TCF7: variants seen among roughly 807,000 people sequenced by gnomAD.
The protein encoded by TCF7 is T-cell-factor-7.
A neutral mutation model predicts 46.8 loss-of-function variants in TCF7; 19 were observed. That is an observed-to-expected ratio of 0.41 (90% confidence interval 0.28 to 0.60). The LOEUF (loss-of-function observed/expected upper bound fraction) is 0.60. Ranked by LOEUF, TCF7 falls within the 20% of genes least tolerant of loss-of-function variation. TCF7 has a pLI of 0.35. For synonymous variants in TCF7, 245 were observed against 213.4 expected (o/e 1.15, Z -1.29); for missense variants, 547 against 504.6 (o/e 1.08, Z -0.81).
intron 3 of TCF7, among the ~76,000 whole-genome samples, chr5:134,127,752 G>T (rs563749671): frequency 6.6e-6 from 1 of 152,188 alleles, no homozygotes; most frequent in African/African-American, 2.4e-5. Context: ...TGGTCATTGC[G>T]GGCCAGCCAG....
In TCF7 at chr5:134,142,168, T is replaced by C; in HGVS notation, c.636-17T>C. The C allele has an allele frequency of 1.2e-6, 2 of 1,614,012 alleles. No homozygotes were observed. The highest frequency in any genetic ancestry group is 1.7e-6 in the Non-Finnish European group (2 of 1,179,890). ...CCATAATTCTTGGCTCAGTGTTAAC[T>C]TTCTTCCTGCCTCCAGGTTCACCCA... On this transcript the variant is annotated splice_polypyrimidine_tract_variant and intron_variant, in intron 5 of 9. Coordinates refer to ENST00000342854, the MANE Select transcript of TCF7 (RefSeq NM_003202.5).
At chr5:134,135,662 T>C (rs979833677) in intron 3 of TCF7, among the ~76,000 whole-genome samples, 3 of 152,026 alleles carry the variant, frequency 2.0e-5, no homozygotes, top group African/African-American at 7.3e-5. Context: ...GAGGTTCCGA[T>C]CTGGATATGT....
chr5:134,117,583 C>T (rs1755999021), intron 3 of TCF7, among the ~76,000 whole-genome samples: 1 of 152,134 alleles, frequency 6.6e-6, no homozygotes. Context: ...ATGGTGTGGG[C>T]AAGTGCTGGG....
chr5:134,116,210 G>C, intron 3 of TCF7, 177 bp downstream of exon 3: 1 of 1,369,652 alleles, frequency 7.3e-7, no homozygotes, highest in Non-Finnish European at 9.5e-7. Flanking sequence ...CTGAAGGAAG[G>C]AGGGGCCGCC....
intron 5 of TCF7, 144 bp downstream of exon 5, chr5:134,139,182 G>C: frequency 5.3e-6 from 7 of 1,311,050 alleles, no homozygotes; most frequent in Non-Finnish European, 7.2e-6. Flanking sequence ...CAGCAACTCT[G>C]TCCTAACCTG....
intron 3 of TCF7, among the ~76,000 whole-genome samples, chr5:134,116,624 GTTGGCA>G (rs1580790561): frequency 6.6e-6 from 1 of 152,362 alleles, no homozygotes; most frequent in East Asian, 1.9e-4. Flanking sequence ...ACCAGGAAGG[GTTGGCA>G]AAGGTGCTAC....
intron 3 of TCF7, among the ~76,000 whole-genome samples, chr5:134,128,508 G>A (rs901873543): frequency 1.3e-5 from 2 of 151,902 alleles, no homozygotes; most frequent in Non-Finnish European, 2.9e-5. Flanking sequence ...GGGAGTGAGC[G>A]CTTCATGACC....
At chr5:134,135,223 G>T (rs1298806288) in intron 3 of TCF7, among the ~76,000 whole-genome samples, 2 of 152,218 alleles carry the variant, frequency 1.3e-5, no homozygotes, top group Non-Finnish European at 2.9e-5. Context: ...GCCTCCCAAA[G>T]TGCTGGGATT....
In TCF7 at chr5:134,146,315, T is replaced by G. The variant is rs1012170153; in HGVS notation, c.*12T>G. 1.9e-5 allele frequency: 30 copies of G among 1,613,722 alleles called. No homozygotes were observed. The highest frequency in any genetic ancestry group is 2.5e-5 in the Non-Finnish European group (29 of 1,179,902). ...TGACAGTGCTCTAGGCTGCCCCGGG[T>G]CCCCAGCTCCCCAGGACTCACCCTC... On this transcript the variant is annotated 3_prime_UTR_variant, in exon 10 of 10. Coordinates refer to ENST00000342854, the MANE Select transcript of TCF7 (RefSeq NM_003202.5).
At chr5:134,122,473 G>T (rs1756736301) in intron 3 of TCF7, among the ~76,000 whole-genome samples, 1 of 152,300 alleles carries the variant, frequency 6.6e-6, no homozygotes, top group South Asian at 2.1e-4. Flanking sequence ...TGAGACTCAA[G>T]TGAGTGGGGC....
the TCF7 span, among the ~76,000 whole-genome samples, chr5:134,108,318 G>T: frequency 6.6e-6 from 1 of 152,190 alleles, no homozygotes; most frequent in African/African-American, 2.4e-5. Flanking sequence ...CATTTATTAA[G>T]TGCCACAGTA....
rs1237396263 is a variant in TCF7, at chr5:134,114,701, G to C, written c.-206G>C. 4.0e-6 allele frequency: 1 copy of C among 251,096 alleles called. No homozygotes were observed. The highest frequency in any genetic ancestry group is 6.1e-6 in the Non-Finnish European group (1 of 164,644). 15.6% of individuals were successfully genotyped at this position (251,096 alleles called of 1,614,324 possible). ...CCGGCACTCGGCCGGCGGCGCCTTT[G>C]ATGTTCCGACCCGCCAGCTCGCGGA... On this transcript the variant is annotated 5_prime_UTR_variant, in exon 1 of 10. Coordinates refer to ENST00000342854, the MANE Select transcript of TCF7 (RefSeq NM_003202.5).
chr5:134,115,486 C>T, intron 2 of TCF7, 99 bp downstream of exon 2: 2 of 1,502,706 alleles, frequency 1.3e-6, no homozygotes, highest in Non-Finnish European at 8.9e-7. Context: ...GTGCCTCCCC[C>T]ACCGCAGCTC....
intron 3 of TCF7, among the ~76,000 whole-genome samples, chr5:134,120,755 G>A (rs370261541): frequency 4.0e-4 from 61 of 152,308 alleles, no homozygotes; most frequent in African/African-American, 1.1e-3. Context: ...GCAACTCTTC[G>A]GGCTCAAACG....
Position 134,142,894 on chromosome 5 carries a change from G to C in TCF7, c.918+11G>C. ...ATCCTGGGCCGCAGGGTGAGACCAT[G>C]GGCAGGTGGGCTGGCAGGGATGCTC... On this transcript the variant is annotated intron_variant, in intron 7 of 9. Transcript: ENST00000342854. The C allele has an allele frequency of 6.2e-6, 10 of 1,611,944 alleles. No individual in the cohort carries two copies. The highest frequency in any genetic ancestry group is 8.5e-6 in the Non-Finnish European group (10 of 1,178,178).
rs1350433953 is a variant in TCF7 at position 134,147,734 on chromosome 5, G to C, written c.*1431G>C. ...CTCACGCCTGTAATCCCAGCACTTT[G>C]GCAGGCCGAGGCAGGTGGATCACCT... is the stretch of plus-strand genomic sequence containing the variant. On this transcript the variant is annotated 3_prime_UTR_variant, in exon 10 of 10. Transcript: ENST00000342854. 1 of 152,190 alleles carries C rather than the reference G, an allele frequency of 6.6e-6. No individual in the cohort carries two copies. Among genetic ancestry groups the C allele is most frequent in the Non-Finnish European group, 1.5e-5 (1 of 68,046 alleles). The allele number at this position is 152,190 out of a possible 1,614,324, so 9.4% of individuals were successfully genotyped here.
rs1760903165 is a variant in TCF7 at position 134,147,996 on chromosome 5, AAGG to A, written c.*1694_*1696del. On this transcript the variant is annotated 3_prime_UTR_variant, in exon 10 of 10. Transcript: ENST00000342854. ...CTCAAAAAAAAAAAAAAAAAAAAAAAAGGGCTGTCCATGTATTCACACACCCCT... is the reference window on the plus strand; with the variant it reads ...CTCAAAAAAAAAAAAAAAAAAAAAAAGCTGTCCATGTATTCACACACCCCT... 6.6e-6 allele frequency: 1 copy of A among 151,302 alleles called. No individual in the cohort carries two copies. The highest frequency in any genetic ancestry group is 1.5e-5 in the Non-Finnish European group (1 of 67,836). The allele number at this position is 151,302 out of a possible 1,614,324, so 9.4% of individuals were successfully genotyped here. A position where few individuals can be genotyped will look rare whatever the true frequency, so the allele number is the denominator to read the frequency against.
chr5:134,125,458 TG>T, intron 3 of TCF7, among the ~76,000 whole-genome samples: 1 of 152,236 alleles, frequency 6.6e-6, no homozygotes, highest in Admixed American at 6.5e-5. Flanking sequence ...CCTCCCAGTG[TG>T]GGCAGCCACT....
At chr5:134,146,164 T>C in intron 9 of TCF7, 60 bp from the exon 10 acceptor site, 2 of 1,613,732 alleles carry the variant, frequency 1.2e-6, no homozygotes, top group South Asian at 2.2e-5. Context: ...ATTTTTTGGT[T>C]GTGGTGTATG....
Sources: gnomAD v4.1 joint callset for allele counts (sites outside exome capture counted in the v4.1 genomes callset) on GRCh38, gnomAD v4.1.1 for gene constraint, MANE v1.5 for transcripts, NCBI Gene and HGNC (gene_info 2026-07-23, HGNC 2026-07-21) for gene names.